The following HS6ST3 variants were observed in gnomAD, a reference collection of about 807,000 sequenced individuals.
The protein encoded by HS6ST3 is heparan-sulfate 6-O-sulfotransferase 3.
HS6ST3 carries 12 observed loss-of-function variants against 36.7 expected under a neutral mutation model. The ratio of observed to expected loss-of-function variants is 0.33; its 90% CI spans 0.21 to 0.53. The LOEUF (loss-of-function observed/expected upper bound fraction) is 0.53. Ranked by LOEUF, HS6ST3 falls within the 20% of genes least tolerant of loss-of-function variation. The pLI is 0.95. For synonymous variants in HS6ST3, 240 were observed against 257.5 expected (o/e 0.93, Z 0.65); for missense variants, 584 against 640.9 (o/e 0.91, Z 0.96).
intron 1 of HS6ST3, among the ~76,000 whole-genome samples, chr13:96,730,852 G>C (rs1924581): frequency 0.47 from 71,069 of 151,880 alleles, 17,062 homozygotes; most frequent in African/African-American, 0.58. Context: ...TCCCACCTCA[G>C]CTTCCTGTAG....
intron 1 of HS6ST3, among the ~76,000 whole-genome samples, chr13:96,589,497 A>C (rs928390941): frequency 1.3e-5 from 2 of 151,718 alleles, no homozygotes; most frequent in African/African-American, 4.8e-5. Flanking sequence ...TAGTTTTGTT[A>C]GTCTTTTATA....
chr13:96,210,338 TC>T (rs926433984), intron 1 of HS6ST3, among the ~76,000 whole-genome samples: 2 of 152,218 alleles, frequency 1.3e-5, no homozygotes, highest in Non-Finnish European at 2.9e-5. Context: ...AAGAGACTTT[TC>T]CTGAGAACCT....
chr13:96,689,649 A>G (rs1874888745), intron 1 of HS6ST3, among the ~76,000 whole-genome samples: 1 of 132,386 alleles, frequency 7.6e-6, no homozygotes, highest in Non-Finnish European at 1.5e-5. Context: ...TTGGCATATG[A>G]AAATAAGAAT....
chr13:96,413,110 C>T (rs556956703), intron 1 of HS6ST3, among the ~76,000 whole-genome samples: 43 of 152,270 alleles, frequency 2.8e-4, no homozygotes, highest in Non-Finnish European at 5.4e-4. Context: ...TATGTGAGCA[C>T]ATTCTTACTT....
At chr13:96,221,432 A>C (rs879515863) in intron 1 of HS6ST3, among the ~76,000 whole-genome samples, 1 of 152,154 alleles carries the variant, frequency 6.6e-6, no homozygotes, top group Admixed American at 6.5e-5. Context: ...TAAATAGTGT[A>C]GTGTTCAGGC....
chr13:96,725,485 C>T (rs566420103), intron 1 of HS6ST3, among the ~76,000 whole-genome samples: 149 of 151,986 alleles, frequency 9.8e-4, no homozygotes, highest in Non-Finnish European at 1.8e-3. Flanking sequence ...TTTTTTTCTA[C>T]GTTTTGAGTT....
intron 1 of HS6ST3, among the ~76,000 whole-genome samples, chr13:96,691,245 C>T (rs1019723806): frequency 6.6e-6 from 1 of 152,066 alleles, no homozygotes; most frequent in African/African-American, 2.4e-5. Flanking sequence ...TAAATGATTG[C>T]TCTGGTGACA....
In HS6ST3 at chr13:96,091,423, C is replaced by G; in HGVS notation, c.561C>G (p.His187Gln). Reference protein sequence around the residue: ...CKAGQKKCTCHRPGKKETWLF... With the variant: ...CKAGQKKCTCQRPGKKETWLF... ...CGGGTCAGAAGAAGTGCACCTGCCA[C>G]CGGCCTGGCAAGAAGGAGACGTGGC... Residue 187 changes from histidine to glutamine, a missense_variant, in exon 1 of 2, where the codon CAC becomes CAG. Around this residue, in one of 3 missense-constraint regions of HS6ST3, gnomAD observed 360 missense variants for 411.3 expected, o/e 0.88. Coordinates refer to ENST00000376705, the MANE Select transcript of HS6ST3 (RefSeq NM_153456.4). 1 of 1,612,888 alleles carries G rather than the reference C, an allele frequency of 6.2e-7. No individual in the cohort carries two copies. The highest frequency in any genetic ancestry group is 8.5e-7 in the Non-Finnish European group (1 of 1,179,656).
intron 1 of HS6ST3, among the ~76,000 whole-genome samples, chr13:96,646,830 T>C (rs1486156179): frequency 6.6e-6 from 1 of 151,992 alleles, no homozygotes; most frequent in Non-Finnish European, 1.5e-5. Context: ...AACTGGATTT[T>C]CGATCGGGGA....
intron 1 of HS6ST3, among the ~76,000 whole-genome samples, chr13:96,484,345 T>C (rs1042038309): frequency 6.6e-6 from 1 of 152,132 alleles, no homozygotes; most frequent in African/African-American, 2.4e-5. Context: ...AATCAATATG[T>C]GCACATTGTT....
intron 1 of HS6ST3, among the ~76,000 whole-genome samples, chr13:96,431,808 T>C (rs561229484): frequency 1.4e-3 from 220 of 152,342 alleles, no homozygotes; most frequent in South Asian, 1.2e-3. Flanking sequence ...AGATCATCTC[T>C]TGTAGGGCAA....
chr13:96,432,213 T>C (rs1030440442), intron 1 of HS6ST3, among the ~76,000 whole-genome samples: 2 of 152,206 alleles, frequency 1.3e-5, no homozygotes. Flanking sequence ...ATTAATAGTT[T>C]CAGAAAGCCC....
At chr13:96,541,938 G>C (rs568847849) in intron 1 of HS6ST3, among the ~76,000 whole-genome samples, 4 of 152,278 alleles carry the variant, frequency 2.6e-5, no homozygotes, top group African/African-American at 9.6e-5. Context: ...AAATAGAACA[G>C]TATGGGAGTA....
rs148421995 is a variant in HS6ST3 at position 96,563,684 on chromosome 13, T to A, written c.708-268806T>A. Among the ~76,000 whole-genome samples, 383 of 152,324 alleles carry A rather than the reference T, an allele frequency of 2.5e-3. 1 individual carries two copies. The highest frequency in any genetic ancestry group is 2.9e-3 in the Non-Finnish European group (195 of 68,032). On this transcript the variant is annotated intron_variant, in intron 1 of 1. Coordinates refer to ENST00000376705, the MANE Select transcript of HS6ST3 (RefSeq NM_153456.4). The stretch of plus-strand genomic sequence containing the variant: ...GGGAGCCTGGGATTGTCCTGCAGAA[T>A]CATGTCACTCTATAAGGTTAAGTGA...
At chr13:96,620,225 C>G (rs57112608) in intron 1 of HS6ST3, among the ~76,000 whole-genome samples, 2,602 of 152,290 alleles carry the variant, frequency 0.017, 75 homozygotes, top group African/African-American at 0.058. Context: ...ACAACCAATG[C>G]TTCTGCACCC....
At chr13:96,596,045 C>G (rs760757850) in intron 1 of HS6ST3, among the ~76,000 whole-genome samples, 1 of 152,084 alleles carries the variant, frequency 6.6e-6, no homozygotes, top group Non-Finnish European at 1.5e-5. Flanking sequence ...ACCTGTCAAC[C>G]AAATAGTGTA....
At chr13:96,450,122 A>T (rs2055720431) in intron 1 of HS6ST3, among the ~76,000 whole-genome samples, 1 of 152,184 alleles carries the variant, frequency 6.6e-6, no homozygotes, top group South Asian at 2.1e-4. Flanking sequence ...TTCTGACCTC[A>T]AACAAATGTT....
chr13:96,156,743 G>T (rs1680028132), intron 1 of HS6ST3, among the ~76,000 whole-genome samples: 1 of 152,122 alleles, frequency 6.6e-6, no homozygotes, highest in Non-Finnish European at 1.5e-5. Context: ...GGATATTACT[G>T]CCCCGTTTAC....
At chr13:96,562,130 G>T (rs1293277980) in intron 1 of HS6ST3, among the ~76,000 whole-genome samples, 1 of 152,148 alleles carries the variant, frequency 6.6e-6, no homozygotes, top group East Asian at 1.9e-4. Context: ...ATCAACTGAG[G>T]TACCCCTCAA....
Sources: allele counts gnomAD v4.1 joint callset (sites outside exome capture counted in the v4.1 genomes callset), GRCh38; gene constraint gnomAD v4.1.1; regional missense constraint gnomAD v4.1.1; transcripts MANE v1.5; gene names NCBI Gene and HGNC (gene_info 2026-07-23, HGNC 2026-07-21).